Variants in ADARB2 observed in about 807,000 individuals in gnomAD.
ADARB2 encodes the protein inactive double-stranded RNA-specific editase B2.
A neutral mutation model predicts 62.2 loss-of-function variants in ADARB2; 25 were observed. The ratio of observed to expected loss-of-function variants is 0.40; its 90% CI spans 0.29 to 0.56. The LOEUF is 0.56. Among genes scored for constraint, ADARB2 ranks in the 20% least tolerant of loss-of-function variants. The probability of loss-of-function intolerance (pLI) is 0.43; values close to 1 mark genes in which losing one functional copy is unlikely to be tolerated. For synonymous variants in ADARB2, 572 were observed against 500.8 expected (o/e 1.14, Z -1.90); for missense variants, 1,071 against 1,077.4 (o/e 0.99, Z 0.08).
chr10:1,549,347 C>G (rs1299674948), intron 1 of ADARB2, among the ~76,000 whole-genome samples: 1 of 152,172 alleles, frequency 6.6e-6, no homozygotes, highest in Non-Finnish European at 1.5e-5. Flanking sequence ...AGCAGGGACA[C>G]AAGGCGCTCT....
chr10:1,413,838 A>G lies in ADARB2; in HGVS notation c.101-34678T>C, dbSNP rs1263644806. Among the ~76,000 whole-genome samples, 4 of 152,360 alleles carry G rather than the reference A, an allele frequency of 2.6e-5. No individual in the cohort carries two copies. The East Asian group carries it at 7.7e-4, about 29-fold the overall frequency. On this transcript the variant is annotated intron_variant, in intron 1 of 9. Transcript: ENST00000381312. ...AAACCGATTTGTAAATTATGCATCC[A>G]TTCTGCCATGATGGATAGAAAAGTT...
intron 1 of ADARB2, among the ~76,000 whole-genome samples, chr10:1,415,021 G>A (rs1303710075): frequency 1.3e-5 from 2 of 151,486 alleles, no homozygotes; most frequent in African/African-American, 2.4e-5. Flanking sequence ...ATGGATAGAT[G>A]GATGATAGAT....
intron 1 of ADARB2, among the ~76,000 whole-genome samples, chr10:1,488,296 C>A (rs1373215975): frequency 1.3e-5 from 2 of 152,096 alleles, no homozygotes; most frequent in Non-Finnish European, 2.9e-5. Flanking sequence ...AAATGACCCA[C>A]AGCAAAGTGA....
chr10:1,384,418 G>T (rs2892334), intron 1 of ADARB2, among the ~76,000 whole-genome samples: 58,071 of 152,062 alleles, frequency 0.38, 11,655 homozygotes, highest in Non-Finnish European at 0.45. Context: ...AAGTGATCTT[G>T]AGCCCACATC....
At chr10:1,384,736 C>T (rs958919219) in intron 1 of ADARB2, among the ~76,000 whole-genome samples, 2 of 152,134 alleles carry the variant, frequency 1.3e-5, no homozygotes, top group African/African-American at 2.4e-5. Flanking sequence ...AAGGCAAAAA[C>T]CAAAGTTTGC....
At chr10:1,588,633 G>A (rs776582710) in intron 1 of ADARB2, among the ~76,000 whole-genome samples, 2 of 152,136 alleles carry the variant, frequency 1.3e-5, no homozygotes, top group Non-Finnish European at 1.5e-5. Flanking sequence ...TACCGAGCTC[G>A]GAATTTTGGC....
chr10:1,541,130 C>G (rs1284422205), intron 1 of ADARB2, among the ~76,000 whole-genome samples: 4 of 89,512 alleles, frequency 4.5e-5, no homozygotes, highest in South Asian at 3.8e-4. Context: ...AGACGCAGTT[C>G]AGACCCTGGA....
At chr10:1,628,434 G>A (rs1833799265) in intron 1 of ADARB2, among the ~76,000 whole-genome samples, 1 of 152,202 alleles carries the variant, frequency 6.6e-6, no homozygotes, top group Non-Finnish European at 1.5e-5. Context: ...TTTTGTTACT[G>A]TGAAGGCACC....
chr10:1,447,356 T>C (rs2131899374), intron 1 of ADARB2, among the ~76,000 whole-genome samples: 1 of 152,278 alleles, frequency 6.6e-6, no homozygotes, highest in South Asian at 2.1e-4. Context: ...CAAAAGATAT[T>C]GTAAGGATCA....
intron 1 of ADARB2, among the ~76,000 whole-genome samples, chr10:1,416,189 A>T (rs1319907741): frequency 2.0e-5 from 3 of 152,260 alleles, no homozygotes; most frequent in Non-Finnish European, 2.9e-5. Context: ...TGCGGTTCAT[A>T]TTCATAAACA....
In ADARB2 at chr10:1,712,976, G is replaced by A. The variant is rs182710682; in HGVS notation, c.100+24075C>T. Among the ~76,000 whole-genome samples, 30 of 152,220 alleles carry A rather than the reference G, an allele frequency of 2.0e-4. No homozygotes were observed. The East Asian group carries it at 5.0e-3, about 26-fold the overall frequency. ...TACTAACACGAAGCTCCTTAGTCCC[G>A]ACAGCAGGGTTTTCATCAGTCATGT... On this transcript the variant is annotated intron_variant, in intron 1 of 9. Transcript: ENST00000381312.
intron 3 of ADARB2, among the ~76,000 whole-genome samples, chr10:1,278,812 T>C (rs560535298): frequency 1.1e-4 from 17 of 152,248 alleles, no homozygotes; most frequent in Admixed American, 5.9e-4. Context: ...TAGCAGTTCA[T>C]GTTTTATGGT....
intron 1 of ADARB2, among the ~76,000 whole-genome samples, chr10:1,696,101 A>G (rs1056602471): frequency 5.9e-5 from 9 of 152,124 alleles, no homozygotes; most frequent in Non-Finnish European, 1.0e-4. Context: ...GTGTGCATAT[A>G]TGCACACACA....
At chr10:1,211,256 T>C (rs1292673755) in intron 7 of ADARB2, among the ~76,000 whole-genome samples, 1 of 152,258 alleles carries the variant, frequency 6.6e-6, no homozygotes, top group East Asian at 1.9e-4. Flanking sequence ...TCATCTGTTA[T>C]CATCTATCAT....
At chr10:1,624,636 C>T (rs1833744985) in intron 1 of ADARB2, among the ~76,000 whole-genome samples, 1 of 152,066 alleles carries the variant, frequency 6.6e-6, no homozygotes, top group African/African-American at 2.4e-5. Context: ...TTTTAAGAGA[C>T]TGACACATGT....
intron 1 of ADARB2, among the ~76,000 whole-genome samples, chr10:1,659,898 C>T (rs55958204): frequency 0.14 from 18,960 of 137,572 alleles, 1,970 homozygotes; most frequent in African/African-American, 0.29. Context: ...TGTGAGACTC[C>T]GGGGCAGGGG....
chr10:1,243,466 T>G (rs984240280), intron 4 of ADARB2, among the ~76,000 whole-genome samples: 2 of 152,156 alleles, frequency 1.3e-5, no homozygotes, highest in Non-Finnish European at 2.9e-5. Context: ...ATAAAAACAG[T>G]GCTGGCTGGT....
chr10:1,326,312 A>G (rs1831845828), intron 3 of ADARB2, among the ~76,000 whole-genome samples: 1 of 152,210 alleles, frequency 6.6e-6, no homozygotes, highest in Non-Finnish European at 1.5e-5. Flanking sequence ...CCTCACTAGG[A>G]AAACATCAGA....
intron 1 of ADARB2, among the ~76,000 whole-genome samples, chr10:1,668,723 C>G (rs901360312): frequency 6.6e-6 from 1 of 152,170 alleles, no homozygotes; most frequent in African/African-American, 2.4e-5. Context: ...TAATGATAAG[C>G]CCTGGTCCCC....
Sources: gnomAD v4.1 joint callset for allele counts (sites outside exome capture counted in the v4.1 genomes callset) on GRCh38, gnomAD v4.1.1 for gene constraint, MANE v1.5 for transcripts, NCBI Gene and HGNC (gene_info 2026-07-23, HGNC 2026-07-21) for gene names.